The following KCNIP4 variants were observed in gnomAD, a reference collection of about 807,000 sequenced individuals.
KCNIP4 encodes Kv channel-interacting protein 4.
KCNIP4 carries 12 observed loss-of-function variants against 34.0 expected under a neutral mutation model. The observed-to-expected ratio is 0.35, with a 90% confidence interval of 0.23 to 0.57. The LOEUF (loss-of-function observed/expected upper bound fraction) is 0.57, where lower values mean the gene tolerates loss of function less well. KCNIP4 is among the 20% of genes least tolerant of loss of function. KCNIP4 has a pLI of 0.83. For synonymous variants in KCNIP4, 124 were observed against 102.2 expected, an observed-to-expected ratio of 1.21 and a Z score of -1.29; for missense variants, 238 against 311.7, an observed-to-expected ratio of 0.76 and a Z score of 1.78.
At chr4:21,533,889 A>G (rs1736927031) in intron 1 of KCNIP4, among the ~76,000 whole-genome samples, 1 of 152,196 alleles carries the variant, frequency 6.6e-6, no homozygotes, top group Non-Finnish European at 1.5e-5. Context: ...CCATAGAAGC[A>G]GACACATTAG....
At chr4:21,816,787 T>C (rs1722014217) in intron 1 of KCNIP4, among the ~76,000 whole-genome samples, 1 of 152,108 alleles carries the variant, frequency 6.6e-6, no homozygotes, top group South Asian at 2.1e-4. Flanking sequence ...TTAAATCAGG[T>C]AGCAAAATCA....
chr4:21,328,381 G>A (rs537508756), intron 1 of KCNIP4, among the ~76,000 whole-genome samples: 1 of 152,286 alleles, frequency 6.6e-6, no homozygotes, highest in East Asian at 1.9e-4. Context: ...TTACCAGGCA[G>A]AGGCTCTTCT....
chr4:21,054,984 T>C (rs932205891), intron 1 of KCNIP4, among the ~76,000 whole-genome samples: 21 of 152,120 alleles, frequency 1.4e-4, no homozygotes, highest in Non-Finnish European at 1.5e-5. Context: ...CGAGACATCA[T>C]ACACTGCAAG....
intron 4 of KCNIP4, among the ~76,000 whole-genome samples, chr4:20,755,109 A>G (rs969052845): frequency 2.6e-5 from 4 of 152,182 alleles, no homozygotes; most frequent in African/African-American, 9.7e-5. Flanking sequence ...GTGGTTTGTT[A>G]GAAGGGCCCT....
chr4:21,133,312 A>G (rs1234821846), intron 1 of KCNIP4, among the ~76,000 whole-genome samples: 1 of 152,210 alleles, frequency 6.6e-6, no homozygotes, highest in African/African-American at 2.4e-5. Flanking sequence ...TATTCAACAA[A>G]TGATGGAGAG....
intron 1 of KCNIP4, among the ~76,000 whole-genome samples, chr4:21,053,146 G>T (rs1358801239): frequency 1.3e-5 from 2 of 152,008 alleles, no homozygotes; most frequent in Admixed American, 6.6e-5. Context: ...TAAGTGAAAA[G>T]ATTCAGTGGG....
intron 1 of KCNIP4, among the ~76,000 whole-genome samples, chr4:20,961,605 C>A (rs1225133725): frequency 2.0e-5 from 3 of 152,032 alleles, no homozygotes; most frequent in African/African-American, 7.2e-5. Flanking sequence ...ATTTAAATTG[C>A]CTTGTGATCA....
At chr4:21,475,786 T>C (rs1402625223) in intron 1 of KCNIP4, among the ~76,000 whole-genome samples, 1 of 152,228 alleles carries the variant, frequency 6.6e-6, no homozygotes, top group Non-Finnish European at 1.5e-5. Flanking sequence ...TGACTTCTGA[T>C]TTTGACATAT....
chr4:21,390,813 C>T (rs544335776), intron 1 of KCNIP4, among the ~76,000 whole-genome samples: 20 of 151,712 alleles, frequency 1.3e-4, no homozygotes, highest in Non-Finnish European at 2.7e-4. Context: ...TATGAACATA[C>T]CTTGTGTATA....
In KCNIP4 at chr4:21,284,226, A is replaced by G. The variant is rs890990439; in HGVS notation, c.62-401517T>C. On this transcript the variant is annotated intron_variant, in intron 1 of 8. Coordinates refer to ENST00000382152, the MANE Select transcript of KCNIP4 (RefSeq NM_025221.6). Reference sequence around the variant, plus strand: ...AGACTCCGTCTCAAAAAAAAAAAAAAGAAAAGAAATCTGCAATTTACTTTT... The same window carrying G: ...AGACTCCGTCTCAAAAAAAAAAAAAGGAAAAGAAATCTGCAATTTACTTTT... 3.3e-5 allele frequency among the ~76,000 whole-genome samples: 5 copies of G among 152,190 alleles called. No homozygotes were observed. In the East Asian group the frequency reaches 7.7e-4, roughly 24 times the overall value.
intron 1 of KCNIP4, among the ~76,000 whole-genome samples, chr4:21,892,623 C>A (rs1727173147): frequency 6.8e-6 from 1 of 148,138 alleles, no homozygotes; most frequent in South Asian, 2.2e-4. Context: ...ACAGGTTATA[C>A]AATCTTAGGT....
intron 1 of KCNIP4, among the ~76,000 whole-genome samples, chr4:21,085,835 C>G (rs1222667572): frequency 6.6e-6 from 1 of 152,122 alleles, no homozygotes; most frequent in Non-Finnish European, 1.5e-5. Flanking sequence ...GAGAAGCCCA[C>G]CTATGAAATG....
chr4:21,788,689 A>T (rs1452067112), intron 1 of KCNIP4, among the ~76,000 whole-genome samples: 1 of 152,210 alleles, frequency 6.6e-6, no homozygotes, highest in Non-Finnish European at 1.5e-5. Context: ...CTATAAAAAT[A>T]GTTACCATTC....
intron 1 of KCNIP4, among the ~76,000 whole-genome samples, chr4:21,082,057 T>G (rs1341556919): frequency 6.6e-6 from 1 of 151,926 alleles, no homozygotes; most frequent in African/African-American, 2.4e-5. Context: ...GGTCTATTCT[T>G]TTTAGTGGAT....
chr4:21,789,359 A>G (rs991403879), intron 1 of KCNIP4, among the ~76,000 whole-genome samples: 3 of 152,050 alleles, frequency 2.0e-5, no homozygotes, highest in Non-Finnish European at 2.9e-5. Flanking sequence ...ATTTATCTCT[A>G]ATAGAAGAGA....
At chr4:21,595,563 C>T (rs1209462008) in intron 1 of KCNIP4, among the ~76,000 whole-genome samples, 2 of 152,002 alleles carry the variant, frequency 1.3e-5, no homozygotes, top group African/African-American at 4.8e-5. Flanking sequence ...TGAGGAATGC[C>T]ACACTGTCTT....
rs1325358001 is a variant in KCNIP4 at position 21,048,943 on chromosome 4, TC to T, written c.62-166235del. Among the ~76,000 whole-genome samples, 231 of 141,972 alleles carry T rather than the reference TC, an allele frequency of 1.6e-3. No homozygotes were observed. In the East Asian group the frequency reaches 0.018, roughly 11 times the overall value. 93.1% of individuals were successfully genotyped at this position (141,972 alleles called of 152,430 possible). A position where few individuals can be genotyped will look rare whatever the true frequency, so the allele number is the denominator to read the frequency against. ...CAGCTCTTTCAGTACCTTCTGTTTA[TC>T]TTTTTTTTTTTTTTTTTTTTTTTTG... On this transcript the variant is annotated intron_variant, in intron 1 of 8. Coordinates refer to ENST00000382152, the MANE Select transcript of KCNIP4 (RefSeq NM_025221.6).
Position 21,098,943 on chromosome 4 carries a change from G to T in KCNIP4, c.62-216234C>A, listed in dbSNP as rs540373448. Among the ~76,000 whole-genome samples, 13 of 152,234 alleles carry T rather than the reference G, an allele frequency of 8.5e-5. No individual in the cohort carries two copies. The South Asian group carries it at 2.7e-3, about 32-fold the overall frequency. On this transcript the variant is annotated intron_variant, in intron 1 of 8. Transcript: ENST00000382152. ...ATACCATTTAACATCAGTCAGAATG[G>T]CAATTATTAAAAAGTCAAAAACCAA...
intron 1 of KCNIP4, among the ~76,000 whole-genome samples, chr4:21,149,410 G>A (rs1042011898): frequency 6.6e-6 from 1 of 152,116 alleles, no homozygotes; most frequent in Non-Finnish European, 1.5e-5. Flanking sequence ...ATTGAATCCT[G>A]AGAGATTAGT....
Sources: allele counts gnomAD v4.1 joint callset (sites outside exome capture counted in the v4.1 genomes callset), GRCh38; gene constraint gnomAD v4.1.1; transcripts MANE v1.5; gene names NCBI Gene and HGNC (gene_info 2026-07-23, HGNC 2026-07-21).